CHRNA1: variants seen among roughly 807,000 people sequenced by gnomAD.
CHRNA1 encodes cholinergic receptor nicotinic alpha 1 subunit.
Under a neutral mutation model 47.1 loss-of-function variants are expected in CHRNA1, and 35 were observed. That is an observed-to-expected ratio of 0.74 (90% CI 0.57 to 0.99). CHRNA1 has a LOEUF of 0.99. Ranked by LOEUF, CHRNA1 falls within the 50% of genes least tolerant of loss-of-function variation. The probability of loss-of-function intolerance (pLI) is 0.00; values close to 1 mark genes in which losing one functional copy is unlikely to be tolerated. For missense variants in CHRNA1, 506 were observed against 591.1 expected (o/e 0.86, Z 1.49); for synonymous variants, 229 against 223.6 (o/e 1.02, Z -0.22).
rs144897150 is a variant in CHRNA1, at chr2:174,764,363, C to T, written c.32G>A (p.Ser11Asn). The T allele has an allele frequency of 2.6e-5, 42 of 1,613,550 alleles. No individual in the cohort carries two copies. Among genetic ancestry groups the T allele is most frequent in the Non-Finnish European group, 3.5e-5 (41 of 1,179,796 alleles). MEPWPLLLLF[S>N]LCSAGLVLGS... is the part of the protein sequence containing the mutation. ...ACCCCAGCACTTACCTGAGCAAAGG[C>T]TAAAGAGCAGGAGGAGAGGCCAGGG... Residue 11 changes from serine (S) to asparagine (N), a missense_variant, in exon 1 of 9, where the codon AGC becomes AAC. Physicochemically the swap from Ser to Asn is conservative, Grantham distance 46 (BLOSUM62 1). Coordinates refer to ENST00000348749, the MANE Select transcript of CHRNA1 (RefSeq NM_000079.4).
rs934285202 is a variant in CHRNA1 at position 174,756,007 on chromosome 2, G to A, written c.344+1559C>T. Among the ~76,000 whole-genome samples the A allele has an allele frequency of 6.8e-5, 10 of 147,848 alleles. No individual in the cohort carries two copies. In the Admixed American group the frequency reaches 6.8e-4, roughly 10 times the overall value. On this transcript the variant is annotated intron_variant, in intron 4 of 8. Coordinates refer to ENST00000348749, the MANE Select transcript of CHRNA1 (RefSeq NM_000079.4). ...GCTATGATCACACCACAACACTCCA[G>A]CCTGAGCAATGGAGCAGAGACCTTG...
Position 174,754,252 on chromosome 2 carries a change from C to G in CHRNA1, c.507G>C (p.Trp169Cys), listed in dbSNP as rs1243532386. Residue 169 changes from tryptophan to cysteine, a missense_variant, in exon 5 of 9, where the codon TGG becomes TGC. Physicochemically the swap from Trp to Cys is radical, Grantham distance 215. Transcript: ENST00000348749. ...TGGCCACGACAGAGCCGTCGTAGGT[C>G]CAGGTGCCCAGCTTCATGCTGCAGT... ...EQNCSMKLGT[W>C]TYDGSVVAIN... The G allele has an allele frequency of 6.2e-7, 1 of 1,613,974 alleles. No homozygotes were observed.
chr2:174,757,970 A>G, intron 3 of CHRNA1: 2 of 1,598,650 alleles, frequency 1.3e-6, no homozygotes, highest in Non-Finnish European at 1.7e-6. Context: ...GAGAAAACAA[A>G]GGAACTCCCA....
intron 1 of CHRNA1, among the ~76,000 whole-genome samples, chr2:174,763,322 ACG>A (rs373452341): frequency 0.37 from 17,272 of 47,252 alleles, 1,512 homozygotes; most frequent in South Asian, 0.4. Flanking sequence ...ATGTGTGTGC[ACG>A]CGCGCGCACA....
chr2:174,752,026 T>C (rs996468288), intron 6 of CHRNA1, among the ~76,000 whole-genome samples: 1 of 152,036 alleles, frequency 6.6e-6, no homozygotes, highest in Non-Finnish European at 1.5e-5. Flanking sequence ...ATAGAGACTC[T>C]TGTTAGTTCC....
At chr2:174,758,766 C>G (rs1191696005) in intron 3 of CHRNA1, among the ~76,000 whole-genome samples, 5 of 151,988 alleles carry the variant, frequency 3.3e-5, no homozygotes, top group Admixed American at 3.3e-4. Flanking sequence ...AGAACGTGAC[C>G]TAATTTGGAG....
At chr2:174,755,937 T>G (rs1683973869) in intron 4 of CHRNA1, among the ~76,000 whole-genome samples, 1 of 151,710 alleles carries the variant, frequency 6.6e-6, no homozygotes, top group South Asian at 2.1e-4. Flanking sequence ...CCTGGGAGGT[T>G]GAGGCAGAGG....
intron 7 of CHRNA1, 86 bp from the exon 8 acceptor site, chr2:174,748,905 G>A: frequency 1.3e-6 from 2 of 1,558,006 alleles, no homozygotes; most frequent in African/African-American, 1.4e-5. Flanking sequence ...AATGTGATTT[G>A]GGGTAAGTCA....
rs1464855202 is a variant in CHRNA1, at chr2:174,757,604, T to A, written c.306A>T (p.Ser102=). ...YGGVKKIHIP[S]EKIWRPDLVL... Reference sequence around the variant, plus strand: ...CAAGGTCTGGGCGCCAGATCTTTTCTGAAGGAATGTGAATTTTTTTCACAC... The same window carrying A: ...CAAGGTCTGGGCGCCAGATCTTTTCAGAAGGAATGTGAATTTTTTTCACAC... The change falls in exon 4 of 9, where the codon TCA becomes TCT. Residue 102 remains serine, a synonymous_variant. Coordinates refer to ENST00000348749, the MANE Select transcript of CHRNA1 (RefSeq NM_000079.4). 6.2e-7 allele frequency: 1 copy of A among 1,614,202 alleles called. No homozygotes were observed. Among genetic ancestry groups the A allele is most frequent in the Non-Finnish European group, 8.5e-7 (1 of 1,180,024 alleles).
At chr2:174,754,074 CCCTTCCCAATCAACTTGAA>C (rs1403004099) in intron 5 of CHRNA1, 126 bp downstream of exon 5, 9 of 799,730 alleles carry the variant, frequency 1.1e-5, no homozygotes, top group Non-Finnish European at 1.9e-5. Flanking sequence ...ATTTAGTTCT[CCCTTCCCAATCAACTTGAA>C]CCATCAAACT....
Position 174,764,407 on chromosome 2 carries a change from C to G in CHRNA1, c.-13G>C. On this transcript the variant is annotated 5_prime_UTR_variant, in exon 1 of 9. Transcript: ENST00000348749. ...GCCAGGGCTCCATGGGCTACCGGAG[C>G]TTGTGTGGACCAGGGCAGAGTGGTG... 1 of 1,611,510 alleles carries G rather than the reference C, an allele frequency of 6.2e-7. No homozygotes were observed. The highest frequency in any genetic ancestry group is 8.5e-7 in the Non-Finnish European group (1 of 1,178,850).
At chr2:174,758,470 A>G (rs34926501) in intron 3 of CHRNA1, among the ~76,000 whole-genome samples, 5,776 of 152,284 alleles carry the variant, frequency 0.038, 288 homozygotes, top group African/African-American at 0.11. Context: ...CCGAAATCCA[A>G]AATGCTCCAA....
At chr2:174,750,219 T>TAGTTG in intron 6 of CHRNA1, 50 bp from the exon 7 acceptor site, 2 of 1,466,142 alleles carry the variant, frequency 1.4e-6, no homozygotes, top group Non-Finnish European at 1.9e-6. Context: ...CCCATCTGGG[T>TAGTTG]TGGGCTGCAG....
At chr2:174,757,144 G>A (rs771098475) in intron 4 of CHRNA1, among the ~76,000 whole-genome samples, 1 of 152,042 alleles carries the variant, frequency 6.6e-6, no homozygotes, top group African/African-American at 2.4e-5. Context: ...GGAATTCAGC[G>A]ATAGGACGTT....
At chr2:174,751,290 G>T in intron 6 of CHRNA1, among the ~76,000 whole-genome samples, 1 of 152,144 alleles carries the variant, frequency 6.6e-6, no homozygotes, top group East Asian at 1.9e-4. Context: ...GTTTTGTGAG[G>T]CTTGACCACC....
chr2:174,761,265 C>A (rs543317395), intron 1 of CHRNA1, among the ~76,000 whole-genome samples: 1 of 152,256 alleles, frequency 6.6e-6, no homozygotes, highest in South Asian at 2.1e-4. Context: ...GAAGTAGACA[C>A]ATGATACATT....
At chr2:174,758,664 G>A (rs1471980661) in intron 3 of CHRNA1, among the ~76,000 whole-genome samples, 1 of 152,100 alleles carries the variant, frequency 6.6e-6, no homozygotes, top group African/African-American at 2.4e-5. Flanking sequence ...CCACCTGTAT[G>A]TGCCCATTGC....
At chr2:174,763,956 T>C (rs961313117) in intron 1 of CHRNA1, among the ~76,000 whole-genome samples, 1 of 152,128 alleles carries the variant, frequency 6.6e-6, no homozygotes, top group African/African-American at 2.4e-5. Context: ...AACTCCATTG[T>C]ATGTGATTAT....
chr2:174,752,286 G>A (rs57956832), intron 6 of CHRNA1, among the ~76,000 whole-genome samples: 2 of 151,996 alleles, frequency 1.3e-5, no homozygotes, highest in South Asian at 4.2e-4. Context: ...AAAAACAAGT[G>A]CAGGGCAGGC....
Sources: gnomAD v4.1 joint callset for allele counts (sites outside exome capture counted in the v4.1 genomes callset) on GRCh38, gnomAD v4.1.1 for gene constraint, MANE v1.5 for transcripts, NCBI Gene and HGNC (gene_info 2026-07-23, HGNC 2026-07-21) for gene names.